The following ARHGAP42 variants were observed in gnomAD, a reference collection of about 807,000 sequenced individuals.
ARHGAP42 encodes the protein rho GTPase-activating protein 42.
A neutral mutation model predicts 125.0 loss-of-function variants in ARHGAP42; 63 were observed. That is an observed-to-expected ratio of 0.50 (90% confidence interval 0.41 to 0.62). The LOEUF is 0.62. Among genes scored for constraint, ARHGAP42 ranks in the 20% least tolerant of loss-of-function variants. The probability of loss-of-function intolerance (pLI) is 0.00; values close to 1 mark genes in which losing one functional copy is unlikely to be tolerated. For synonymous variants in ARHGAP42, 339 were observed against 351.0 expected (o/e 0.97, Z 0.38); for missense variants, 766 against 1,024.2 (o/e 0.75, Z 3.44).
intron 2 of ARHGAP42, among the ~76,000 whole-genome samples, chr11:100,792,613 A>C (rs1448631045): frequency 6.6e-6 from 1 of 152,222 alleles, no homozygotes; most frequent in Non-Finnish European, 1.5e-5. Context: ...AGTTAAAACA[A>C]CTTTGGCAAA....
Position 100,976,228 on chromosome 11 carries a change from G to A in ARHGAP42, c.2027G>A (p.Ser676Asn), listed in dbSNP as rs1858386178. 2 of 1,551,532 alleles carry A rather than the reference G, an allele frequency of 1.3e-6. No homozygotes were observed. The highest frequency in any genetic ancestry group is 2.0e-5 in the Admixed American group (1 of 50,972). Residue 676 changes from serine (S) to asparagine (N), a missense_variant, in exon 20 of 24, where the codon AGC (serine) becomes AAC (asparagine). Physicochemically the swap from Ser to Asn is conservative, Grantham distance 46. Transcript: ENST00000298815. The stretch of plus-strand genomic sequence containing the variant: ...CCATCATCTTCCAATGGACAGAAAA[G>A]CCTTGGTCTGTGGACAACTAGTCCT... ...ATPSSSNGQK[S>N]LGLWTTSPES...
intron 4 of ARHGAP42, 27 bp downstream of exon 4, chr11:100,859,652 A>G: frequency 7.2e-7 from 1 of 1,397,844 alleles, no homozygotes; most frequent in Non-Finnish European, 9.5e-7. Flanking sequence ...ATTATTCTTC[A>G]GTTATTCTCC....
chr11:100,724,747 A>G (rs770273162), intron 1 of ARHGAP42, among the ~76,000 whole-genome samples: 1 of 151,832 alleles, frequency 6.6e-6, no homozygotes, highest in East Asian at 1.9e-4. Flanking sequence ...CAATCTTTTC[A>G]AGGAACCAGC....
At chr11:100,782,743 G>T (rs1185953763) in intron 2 of ARHGAP42, among the ~76,000 whole-genome samples, 1 of 152,130 alleles carries the variant, frequency 6.6e-6, no homozygotes, top group Non-Finnish European at 1.5e-5. Flanking sequence ...CGTGATTCAG[G>T]GGGCAGTGGA....
intron 6 of ARHGAP42, among the ~76,000 whole-genome samples, chr11:100,921,842 G>A (rs566040553): frequency 1.7e-4 from 26 of 152,198 alleles, no homozygotes; most frequent in African/African-American, 6.3e-4. Flanking sequence ...CCCATAGAAT[G>A]TGTAGCACAA....
At chr11:100,759,808 T>G (rs183290999) in intron 1 of ARHGAP42, among the ~76,000 whole-genome samples, 93 of 152,154 alleles carry the variant, frequency 6.1e-4, no homozygotes, top group African/African-American at 2.2e-3. Context: ...ATTTAAAAAA[T>G]GCAAAACTGT....
chr11:100,837,666 C>CTTTTTGTTTT (rs1864831286), intron 3 of ARHGAP42, among the ~76,000 whole-genome samples: 1 of 61,042 alleles, frequency 1.6e-5, no homozygotes. Context: ...AGGTGTCATC[C>CTTTTTGTTTT]TTTTTTTTTT....
At chr11:100,941,035 C>T (rs1035215596) in intron 8 of ARHGAP42, among the ~76,000 whole-genome samples, 2 of 152,144 alleles carry the variant, frequency 1.3e-5, no homozygotes, top group South Asian at 4.1e-4. Flanking sequence ...TTAGGTATCT[C>T]TCCAGGAAAG....
chr11:100,781,871 GA>G (rs1348680254), intron 2 of ARHGAP42, among the ~76,000 whole-genome samples: 1 of 151,666 alleles, frequency 6.6e-6, no homozygotes, highest in African/African-American at 2.4e-5. Flanking sequence ...TTCTGGATTT[GA>G]AACCATTTGG....
At chr11:100,862,789 C>T (rs1282815798) in intron 4 of ARHGAP42, among the ~76,000 whole-genome samples, 2 of 151,838 alleles carry the variant, frequency 1.3e-5, no homozygotes, top group Non-Finnish European at 2.9e-5. Context: ...CTAGCACTTT[C>T]GGAGGCTGAG....
chr11:100,863,100 T>C (rs1257945631), intron 4 of ARHGAP42, among the ~76,000 whole-genome samples: 2 of 150,914 alleles, frequency 1.3e-5, no homozygotes, highest in African/African-American at 2.4e-5. Context: ...AAAAAAGGCA[T>C]GTTCTTCTGA....
chr11:100,975,793 T>C (rs915682562), intron 19 of ARHGAP42, among the ~76,000 whole-genome samples: 4 of 152,196 alleles, frequency 2.6e-5, no homozygotes, highest in African/African-American at 9.6e-5. Context: ...AGTAAAGTTA[T>C]TATCTAAAGG....
At chr11:100,749,737 C>T (rs572911246) in intron 1 of ARHGAP42, among the ~76,000 whole-genome samples, 1 of 152,246 alleles carries the variant, frequency 6.6e-6, no homozygotes. Context: ...AGAGAGGACC[C>T]ACTCGCTCCG....
intron 1 of ARHGAP42, among the ~76,000 whole-genome samples, chr11:100,700,131 C>T (rs2120200786): frequency 6.6e-6 from 1 of 152,250 alleles, no homozygotes; most frequent in East Asian, 1.9e-4. Context: ...TTTGGTTTCC[C>T]AGTGCATGTA....
chr11:100,747,481 G>T (rs1862331310), intron 1 of ARHGAP42, among the ~76,000 whole-genome samples: 1 of 152,164 alleles, frequency 6.6e-6, no homozygotes, highest in Admixed American at 6.5e-5. Flanking sequence ...TTTTGTTAAA[G>T]AGCGGATTAG....
intron 3 of ARHGAP42, among the ~76,000 whole-genome samples, chr11:100,857,098 A>G (rs192606614): frequency 4.7e-4 from 71 of 152,228 alleles, no homozygotes; most frequent in South Asian, 1.2e-3. Flanking sequence ...AGAAACACTC[A>G]AGAAATCATT....
chr11:100,688,473 A>G (rs1306974019), intron 1 of ARHGAP42, among the ~76,000 whole-genome samples: 3 of 152,214 alleles, frequency 2.0e-5, no homozygotes, highest in Admixed American at 6.5e-5. Context: ...TTAAAGGCCA[A>G]TCAGAACTTT....
chr11:100,854,071 T>G (rs1319713508), intron 3 of ARHGAP42, among the ~76,000 whole-genome samples: 1 of 152,112 alleles, frequency 6.6e-6, no homozygotes. Flanking sequence ...ATTATCATCT[T>G]TATTATATAG....
intron 3 of ARHGAP42, among the ~76,000 whole-genome samples, chr11:100,854,076 A>G (rs1865269779): frequency 6.6e-6 from 1 of 152,122 alleles, no homozygotes; most frequent in Admixed American, 6.6e-5. Context: ...CATCTTTATT[A>G]TATAGAAAAG....
Sources: allele counts gnomAD v4.1 joint callset (sites outside exome capture counted in the v4.1 genomes callset), GRCh38; gene constraint gnomAD v4.1.1; transcripts MANE v1.5; gene names NCBI Gene and HGNC (gene_info 2026-07-23, HGNC 2026-07-21).